The following ATRNL1 variants were observed in gnomAD, a reference collection of about 807,000 sequenced individuals.
ATRNL1 encodes the protein attractin like 1.
A neutral mutation model predicts 182.7 loss-of-function variants in ATRNL1; 95 were observed. That is an observed-to-expected ratio of 0.52 (90% confidence interval 0.44 to 0.62). The LOEUF (loss-of-function observed/expected upper bound fraction) is 0.62. Among genes scored for constraint, ATRNL1 ranks in the 20% least tolerant of loss-of-function variants. The pLI, the probability that ATRNL1 is intolerant of heterozygous loss-of-function variation, is 0.00. For synonymous variants in ATRNL1, 576 were observed against 568.3 expected (o/e 1.01, Z -0.19); for missense variants, 1,471 against 1,679.5 (o/e 0.88, Z 2.17).
chr10:115,509,500 G>T (rs782105235), intron 24 of ATRNL1, among the ~76,000 whole-genome samples: 1 of 151,842 alleles, frequency 6.6e-6, no homozygotes, highest in Admixed American at 6.6e-5. Flanking sequence ...TGAGAGATCT[G>T]GTTGTTTAAA....
chr10:115,116,441 A>G (rs1284458238), intron 1 of ATRNL1, among the ~76,000 whole-genome samples: 1 of 152,076 alleles, frequency 6.6e-6, no homozygotes, highest in Admixed American at 6.6e-5. Flanking sequence ...AGGAGTAAGA[A>G]GTAAAAAAAA....
At chr10:115,172,951 C>G (rs1214921294) in intron 8 of ATRNL1, among the ~76,000 whole-genome samples, 1 of 151,440 alleles carries the variant, frequency 6.6e-6, no homozygotes, top group Non-Finnish European at 1.5e-5. Flanking sequence ...AGCTTGGTCT[C>G]GCTCCCAGCT....
intron 3 of ATRNL1, among the ~76,000 whole-genome samples, chr10:115,126,324 C>T (rs540044776): frequency 2.6e-5 from 4 of 152,296 alleles, no homozygotes; most frequent in African/African-American, 9.6e-5. Context: ...TTCCAAAGTA[C>T]TGGGATTACA....
At chr10:115,780,452 C>G (rs1250250399) in intron 27 of ATRNL1, among the ~76,000 whole-genome samples, 2 of 152,156 alleles carry the variant, frequency 1.3e-5, no homozygotes, top group African/African-American at 4.8e-5. Flanking sequence ...GTAGGGGGCA[C>G]AGGACCTAGT....
chr10:115,466,662 G>A (rs1275110245), intron 22 of ATRNL1, among the ~76,000 whole-genome samples: 1 of 151,068 alleles, frequency 6.6e-6, no homozygotes, highest in Non-Finnish European at 1.5e-5. Flanking sequence ...TTTTTTTGGA[G>A]TAGGTTCATC....
At position 115,294,568 on chromosome 10, in the gene ATRNL1, C is replaced by T. The variant is rs555854030; in HGVS notation, c.2416-5466C>T. On this transcript the variant is annotated intron_variant, in intron 15 of 28. Coordinates refer to ENST00000355044, the MANE Select transcript of ATRNL1 (RefSeq NM_207303.4). Reference sequence around the variant, plus strand: ...GTTCCTTAAGATTATTTTGAATTTTCTTTCTGATATTTCATATGTTTACTT... The same window carrying T: ...GTTCCTTAAGATTATTTTGAATTTTTTTTCTGATATTTCATATGTTTACTT... 3.0e-4 allele frequency among the ~76,000 whole-genome samples: 46 copies of T among 152,094 alleles called. 2 individuals are homozygous for T. Among genetic ancestry groups the T allele is most frequent in the Middle Eastern group, 3.4e-3 (1 of 294 alleles).
At chr10:115,143,391 G>T (rs1845829927) in intron 5 of ATRNL1, among the ~76,000 whole-genome samples, 1 of 151,094 alleles carries the variant, frequency 6.6e-6, no homozygotes, top group African/African-American at 2.5e-5. Flanking sequence ...TCAGAACCAA[G>T]GTCTTAAATC....
At chr10:115,645,602 A>G (rs1311216892) in intron 26 of ATRNL1, among the ~76,000 whole-genome samples, 1 of 151,728 alleles carries the variant, frequency 6.6e-6, no homozygotes, top group Non-Finnish European at 1.5e-5. Context: ...CATTTAACCA[A>G]ACTGAACTCT....
chr10:115,390,434 G>C (rs782440438), intron 19 of ATRNL1, among the ~76,000 whole-genome samples: 25 of 152,234 alleles, frequency 1.6e-4, no homozygotes, highest in African/African-American at 4.8e-4. Flanking sequence ...TTATTCAAGA[G>C]ACTATCTTTT....
At chr10:115,368,801 C>T (rs1413015089) in intron 19 of ATRNL1, among the ~76,000 whole-genome samples, 3 of 152,014 alleles carry the variant, frequency 2.0e-5, no homozygotes, top group Admixed American at 6.6e-5. Flanking sequence ...GCAACCACCG[C>T]CTCCTGGGTT....
At chr10:115,785,611 TA>T (rs1382036282) in intron 27 of ATRNL1, among the ~76,000 whole-genome samples, 1 of 152,236 alleles carries the variant, frequency 6.6e-6, no homozygotes, top group Non-Finnish European at 1.5e-5. Flanking sequence ...TTAGATCTGT[TA>T]ACCACACACC....
chr10:115,677,873 A>G (rs928106710), intron 26 of ATRNL1, among the ~76,000 whole-genome samples: 16 of 152,164 alleles, frequency 1.1e-4, no homozygotes, highest in African/African-American at 2.9e-4. Context: ...GGCTTGGCAT[A>G]TATATAGCCC....
chr10:115,567,619 C>T (rs1854145993), intron 26 of ATRNL1, among the ~76,000 whole-genome samples: 1 of 152,012 alleles, frequency 6.6e-6, no homozygotes, highest in Admixed American at 6.6e-5. Context: ...GTCTTTTACT[C>T]CAAAATTTTA....
chr10:115,370,314 A>C (rs186802729), intron 19 of ATRNL1, among the ~76,000 whole-genome samples: 1 of 152,218 alleles, frequency 6.6e-6, no homozygotes, highest in Non-Finnish European at 1.5e-5. Flanking sequence ...TGTGGAAGCA[A>C]CTTTGGAACT....
intron 27 of ATRNL1, among the ~76,000 whole-genome samples, chr10:115,827,048 T>C (rs1286632075): frequency 1.3e-5 from 2 of 152,118 alleles, no homozygotes; most frequent in Non-Finnish European, 2.9e-5. Flanking sequence ...ATTATCAAAA[T>C]GTGTTTCCCC....
chr10:115,943,754 C>G (rs1193790006), intron 28 of ATRNL1, among the ~76,000 whole-genome samples: 1 of 151,778 alleles, frequency 6.6e-6, no homozygotes, highest in East Asian at 1.9e-4. Flanking sequence ...TCACAATTAC[C>G]AAAAATTGGA....
At chr10:115,363,868 A>G (rs1856881083) in intron 19 of ATRNL1, among the ~76,000 whole-genome samples, 1 of 148,190 alleles carries the variant, frequency 6.7e-6, no homozygotes, top group Non-Finnish European at 1.5e-5. Flanking sequence ...GTTCTGTTCC[A>G]TTGATCTATA....
chr10:115,713,675 T>TTCTATCTA (rs56673702), intron 26 of ATRNL1, among the ~76,000 whole-genome samples: 10,558 of 114,114 alleles, frequency 0.093, 499 homozygotes, highest in Middle Eastern at 0.15. Flanking sequence ...AGGTTCTGTT[T>TTCTATCTA]TCTATCTATC....
Position 115,326,358 on chromosome 10 carries a change from C to T in ATRNL1, c.3038-7924C>T, listed in dbSNP as rs145609349. Among the ~76,000 whole-genome samples, 760 of 152,106 alleles carry T rather than the reference C, an allele frequency of 5.0e-3. 3 individuals are homozygous for T. The highest frequency in any genetic ancestry group is 0.016 in the African/African-American group (671 of 41,474). On this transcript the variant is annotated intron_variant, in intron 18 of 28. Transcript: ENST00000355044. ...AATTGCTTCAAAGAGAATAAAATAC[C>T]TAGGAATCCAACTTAAAGGGACATG...
Sources: allele counts gnomAD v4.1 joint callset (sites outside exome capture counted in the v4.1 genomes callset), GRCh38; gene constraint gnomAD v4.1.1; transcripts MANE v1.5; gene names NCBI Gene and HGNC (gene_info 2026-07-23, HGNC 2026-07-21).